Variants in ZKSCAN7 observed in about 807,000 individuals in gnomAD.
ZKSCAN7 encodes zinc finger protein with KRAB and SCAN domains 7.
ZKSCAN7 carries 38 observed loss-of-function variants against 65.3 expected under a neutral mutation model. That is an observed-to-expected ratio of 0.58 (90% CI 0.45 to 0.76). The LOEUF is 0.76. ZKSCAN7 is among the 30% of genes least tolerant of loss of function. The pLI is 0.00. For synonymous variants in ZKSCAN7, 321 were observed against 321.0 expected (o/e 1.00, Z 0.00); for missense variants, 815 against 913.3 (o/e 0.89, Z 1.39).
Position 44,571,469 on chromosome 3 carries a change from C to G in ZKSCAN7, c.*94C>G, listed in dbSNP as rs182510024. The G allele has an allele frequency of 1.3e-6, 2 of 1,596,534 alleles. No individual in the cohort carries two copies. Among genetic ancestry groups the G allele is most frequent in the Admixed American group, 1.7e-5 (1 of 59,846 alleles). ...AGTGGTTTCCCGGAGCCAGTAGTCA[C>G]GGTGGACCATTCCCTACTTGCTTTT... is the stretch of plus-strand genomic sequence containing the variant. On this transcript the variant is annotated 3_prime_UTR_variant, in exon 6 of 6. Coordinates refer to ENST00000426540, the MANE Select transcript of ZKSCAN7 (RefSeq NM_001288590.2).
At chr3:44,564,118 G>T (rs1325886733) in intron 2 of ZKSCAN7, among the ~76,000 whole-genome samples, 1 of 152,192 alleles carries the variant, frequency 6.6e-6, no homozygotes, top group South Asian at 2.1e-4. Context: ...ACTTTAAAAT[G>T]TGCCTTATTT....
intron 2 of ZKSCAN7, 24 bp downstream of exon 2, chr3:44,557,494 C>T (rs774765554): frequency 4.3e-6 from 7 of 1,612,752 alleles, no homozygotes; most frequent in East Asian, 2.2e-5. Flanking sequence ...TCTAGAATGG[C>T]GGCCTGATGC....
rs1699254239 is a variant in ZKSCAN7 at position 44,555,227 on chromosome 3, G to T, written c.-373G>T. On this transcript the variant is annotated 5_prime_UTR_variant, in exon 1 of 6. Transcript: ENST00000426540. The stretch of plus-strand genomic sequence containing the variant: ...TCGGCCATTGTTTTTGGTCTAACGG[G>T]CAGTAGAGTGTCCGGCTTCGGTGCC... The T allele has an allele frequency of 6.6e-6, 1 of 152,278 alleles. No homozygotes were observed. The highest frequency in any genetic ancestry group is 6.5e-5 in the Admixed American group (1 of 15,294). 9.4% of individuals were successfully genotyped at this position (152,278 alleles called of 1,614,324 possible). A position where few individuals can be genotyped will look rare whatever the true frequency, so the allele number is the denominator to read the frequency against.
downstream of ZKSCAN7, chr3:44,572,207 C>T: frequency 1.0e-6 from 1 of 985,394 alleles, no homozygotes; most frequent in Non-Finnish European, 1.2e-6. Flanking sequence ...TTCTCCCCTC[C>T]CCAGCTGGAC....
intron 5 of ZKSCAN7, 80 bp from the exon 6 acceptor site, chr3:44,569,842 G>T: frequency 6.9e-7 from 1 of 1,441,862 alleles, no homozygotes; most frequent in South Asian, 1.8e-5. Context: ...CTTTTTTTCA[G>T]GTATGTTAGC....
At chr3:44,583,439 A>T (rs1006079302) in exon 6 of ZKSCAN7, 1 of 152,424 alleles carries the variant, frequency 6.6e-6, no homozygotes, top group African/African-American at 2.4e-5. Flanking sequence ...AGTACTCAAC[A>T]ATATTAAATA....
rs573064811 is a variant in ZKSCAN7, at chr3:44,577,285, T to C, written c.812-5687T>C. 1.7e-4 allele frequency among the ~76,000 whole-genome samples: 26 copies of C among 151,932 alleles called. No homozygotes were observed. In the East Asian group the frequency reaches 5.0e-3, roughly 29 times the overall value. On this transcript the variant is annotated intron_variant, in intron 5 of 5. Coordinates refer to the ZKSCAN7 transcript ENST00000341840. ...GCCCAGCCCAAATAACCAATTCTTT[T>C]TTTTTTTGTTTTTTTTTAGGAATGG...
chr3:44,559,796 GC>G (rs1474169988), intron 2 of ZKSCAN7, among the ~76,000 whole-genome samples: 2 of 152,170 alleles, frequency 1.3e-5, no homozygotes, highest in Non-Finnish European at 2.9e-5. Context: ...GGATCCTGGG[GC>G]TAGACATTTT....
chr3:44,581,554 T>C (rs1700087581), intron 5 of ZKSCAN7, among the ~76,000 whole-genome samples: 1 of 152,210 alleles, frequency 6.6e-6, no homozygotes, highest in African/African-American at 2.4e-5. Flanking sequence ...TGAAAAATAT[T>C]CCTGAAGTGG....
rs781430778 is a variant in ZKSCAN7 at position 44,568,308 on chromosome 3, A to G, written c.686A>G (p.Asp229Gly). 4 of 1,612,306 alleles carry G rather than the reference A, an allele frequency of 2.5e-6. No homozygotes were observed. The highest frequency in any genetic ancestry group is 3.4e-6 in the Non-Finnish European group (4 of 1,179,288). ...ATVLRMVRPQ[D>G]TVAYEDLSVD... ...AGCGATTGGAGCTTGTCATTCCAGG[A>G]TACTGTGGCATATGAGGACCTATCT... The change falls in exon 5 of 6, where the codon GAT (aspartate) becomes GGT (glycine). Residue 229 changes from aspartate (D) to glycine (G), a missense_variant and splice_region_variant. Physicochemically the swap from Asp to Gly is moderately conservative, Grantham distance 94. This residue lies in a region of ZKSCAN7 where 578 missense variants were observed against 629.5 expected (regional missense o/e 0.92). Coordinates refer to ENST00000426540, the MANE Select transcript of ZKSCAN7 (RefSeq NM_001288590.2).
chr3:44,558,782 ATTTTT>A (rs35709621), intron 2 of ZKSCAN7, among the ~76,000 whole-genome samples: 2 of 92,710 alleles, frequency 2.2e-5, no homozygotes, highest in East Asian at 7.3e-4. Context: ...TTTCTTCTTC[ATTTTT>A]TTTTTTTTTT....
rs371640709 is a variant in ZKSCAN7, at chr3:44,559,056, C to T, written c.423+1586C>T. 1.8e-4 allele frequency among the ~76,000 whole-genome samples: 27 copies of T among 152,138 alleles called. No individual in the cohort carries two copies. In the East Asian group the frequency reaches 4.8e-3, roughly 27 times the overall value. ...CCTCCCAAAGCACTGCGATTACAGG[C>T]ATGAGCTACCACGCCTGGCCTGGAA... On this transcript the variant is annotated intron_variant, in intron 2 of 5. Transcript: ENST00000426540.
In ZKSCAN7 at chr3:44,578,422, T is replaced by A. The variant is rs1699974130; in HGVS notation, c.812-4550T>A. On this transcript the variant is annotated intron_variant, in intron 5 of 5. Transcript: ENST00000341840. Reference sequence around the variant, plus strand: ...GCAGCGTCCGCAACCGTGTGATCTCTGCAGCCAGGCGGTTGTTCAGCTCCT... The same window carrying A: ...GCAGCGTCCGCAACCGTGTGATCTCAGCAGCCAGGCGGTTGTTCAGCTCCT... 1.9e-6 allele frequency: 3 copies of A among 1,613,990 alleles called. No homozygotes were observed. In the African/African-American group the frequency reaches 4.0e-5, roughly 22 times the overall value.
intron 5 of ZKSCAN7, among the ~76,000 whole-genome samples, chr3:44,577,736 A>T (rs901527070): frequency 6.6e-6 from 1 of 152,336 alleles, no homozygotes; most frequent in Admixed American, 6.5e-5. Flanking sequence ...TTTGATGAAG[A>T]CAACAGGAAG....
In ZKSCAN7 at chr3:44,571,172, G is replaced by GA. The variant is rs1222208598; in HGVS notation, c.2067dup (p.Pro690ThrfsTer3). On this transcript the variant is annotated frameshift_variant, in exon 6 of 6. Coordinates refer to ENST00000426540, the MANE Select transcript of ZKSCAN7 (RefSeq NM_001288590.2). LOFTEE classifies it high-confidence loss of function. ...GGTACATCAGAGAACCCATACTGGG[G>GA]AAAAACCCTATAAATGCAATGATTG... The GA allele has an allele frequency of 1.9e-6, 3 of 1,614,172 alleles. No homozygotes were observed. The highest frequency in any genetic ancestry group is 3.3e-5 in the Admixed American group (2 of 60,022).
chr3:44,562,223 C>A (rs1482174535), intron 2 of ZKSCAN7, among the ~76,000 whole-genome samples: 2 of 152,242 alleles, frequency 1.3e-5, no homozygotes, highest in Non-Finnish European at 2.9e-5. Flanking sequence ...TTGGGGCTTG[C>A]ACCCTCTGAG....
rs1352998070 is a variant in ZKSCAN7 at position 44,570,890 on chromosome 3, C to T, written c.1780C>T (p.Leu594Phe). The T allele has an allele frequency of 3.1e-6, 5 of 1,614,058 alleles. 1 individual carries two copies. The South Asian group carries it at 5.5e-5, about 18-fold the overall frequency. ...CGKAFNQNSQ[L>F]IEHERIHTGE... The stretch of plus-strand genomic sequence containing the variant: ...GAAAGCCTTCAATCAGAACTCTCAA[C>T]TCATTGAGCATGAGCGAATTCATAC... Residue 594 changes from leucine (L) to phenylalanine (F), a missense_variant, in exon 6 of 6, where the codon CTC becomes TTC. Physicochemically the swap from Leu to Phe is conservative, Grantham distance 22. Coordinates refer to ENST00000426540, the MANE Select transcript of ZKSCAN7 (RefSeq NM_001288590.2).
At chr3:44,564,317 A>T (rs1287649789) in intron 2 of ZKSCAN7, among the ~76,000 whole-genome samples, 1 of 152,166 alleles carries the variant, frequency 6.6e-6, no homozygotes, top group African/African-American at 2.4e-5. Context: ...TATTGGGGAG[A>T]AGTAGTACAT....
At chr3:44,578,358 G>C in intron 5 of ZKSCAN7, 1 of 1,607,898 alleles carries the variant, frequency 6.2e-7, no homozygotes, top group Middle Eastern at 1.7e-4. Context: ...CCCTGTGCAA[G>C]GGGTGACCCA....
Sources: gnomAD v4.1 joint callset for allele counts (sites outside exome capture counted in the v4.1 genomes callset) on GRCh38, gnomAD v4.1.1 for gene constraint, gnomAD v4.1.1 regional missense constraint, MANE v1.5 for transcripts, NCBI Gene and HGNC (gene_info 2026-07-23, HGNC 2026-07-21) for gene names.